The following GSE1 variants were observed in gnomAD, a reference collection of about 807,000 sequenced individuals.
GSE1 encodes the protein genetic suppressor element 1.
Under a neutral mutation model 112.6 loss-of-function variants are expected in GSE1, and 32 were observed. The observed-to-expected ratio is 0.28, with a 90% CI of 0.21 to 0.38. GSE1 has a LOEUF of 0.38. Ranked by LOEUF, GSE1 falls within the 10% of genes least tolerant of loss-of-function variation. The probability of loss-of-function intolerance (pLI) is 1.00; values close to 1 mark genes in which losing one functional copy is unlikely to be tolerated. For synonymous variants in GSE1, 1,115 were observed against 735.6 expected (o/e 1.52, Z -8.35); for missense variants, 2,348 against 1,699.2 (o/e 1.38, Z -6.71).
intron 1 of GSE1, among the ~76,000 whole-genome samples, chr16:85,603,587 A>G (rs1272946900): frequency 6.6e-6 from 1 of 152,046 alleles, no homozygotes; most frequent in Admixed American, 6.5e-5. Context: ...TGCAGCCTCA[A>G]CCTCTCAGGC....
chr16:85,657,432 C>G lies in GSE1; in HGVS notation c.1468C>G (p.Arg490Gly), dbSNP rs748454893. ...SSAATALLIQ[R>G]TNEEEKWLAR... ...TGCTGCCACAGCCCTGCTGATCCAG[C>G]GCACCAATGAGGAGGAGAAGTGGCT... The change falls in exon 8 of 16, where the codon CGC becomes GGC. Residue 490 changes from arginine (R) to glycine (G), a missense_variant. Coordinates refer to ENST00000253458, the MANE Select transcript of GSE1 (RefSeq NM_014615.5). 6.2e-7 allele frequency: 1 copy of G among 1,612,534 alleles called. No homozygotes were observed. The highest frequency in any genetic ancestry group is 1.3e-5 in the African/African-American group (1 of 74,944).
At chr16:85,586,252 G>A (rs1358290916) in intron 1 of GSE1, among the ~76,000 whole-genome samples, 1 of 152,246 alleles carries the variant, frequency 6.6e-6, no homozygotes, top group Non-Finnish European at 1.5e-5. Context: ...CCAGATGAGG[G>A]CACATTTTGT....
At chr16:85,175,636 T>G (rs978505669) in intron 1 of GSE1, among the ~76,000 whole-genome samples, 1 of 152,196 alleles carries the variant, frequency 6.6e-6, no homozygotes, top group Non-Finnish European at 1.5e-5. Flanking sequence ...CCTGCTGCCT[T>G]TCTGCTGGGA....
chr16:85,570,485 G>C (rs971656761), intron 1 of GSE1, among the ~76,000 whole-genome samples: 1 of 152,236 alleles, frequency 6.6e-6, no homozygotes, highest in African/African-American at 2.4e-5. Context: ...TGAAAAGCAT[G>C]TGCGGTTTTA....
rs141676339 is a variant in GSE1 at position 85,402,781 on chromosome 16, G to A, written c.2464+45138G>A. 3.1e-3 allele frequency among the ~76,000 whole-genome samples: 475 copies of A among 152,212 alleles called. 4 individuals are homozygous for A. Among genetic ancestry groups the A allele is most frequent in the African/African-American group, 0.011 (452 of 41,504 alleles). ...TACAAAAAATACAAAAGTTATCCGG[G>A]TGTGGCTCCTGTAGTCCCAGTTACT... On this transcript the variant is annotated intron_variant, in intron 2 of 2. Transcript: ENST00000637419.
At chr16:85,198,229 T>G (rs369434399) in intron 1 of GSE1, among the ~76,000 whole-genome samples, 1 of 152,132 alleles carries the variant, frequency 6.6e-6, no homozygotes, top group East Asian at 1.9e-4. Context: ...CTCCCAACCA[T>G]GGGGACCAGG....
chr16:85,222,852 G>A (rs539354775), intron 1 of GSE1, among the ~76,000 whole-genome samples: 1 of 152,238 alleles, frequency 6.6e-6, no homozygotes, highest in Admixed American at 6.5e-5. Flanking sequence ...GGATCCATGC[G>A]GAGCTTCCTT....
At chr16:85,671,952 T>A (rs1366648010) in intron 15 of GSE1, 1 of 168,346 alleles carries the variant, frequency 5.9e-6, no homozygotes, top group Non-Finnish European at 1.3e-5. Context: ...AGATGCCGAT[T>A]CTTAAGACTC....
chr16:85,385,851 GGCTCCA>G (rs1224916035), intron 2 of GSE1, among the ~76,000 whole-genome samples: 2 of 152,310 alleles, frequency 1.3e-5, no homozygotes, highest in African/African-American at 4.8e-5. Context: ...GGGCCAGGAC[GGCTCCA>G]GCTCCAGCTC....
At chr16:85,337,940 A>G (rs1008326984) in intron 1 of GSE1, among the ~76,000 whole-genome samples, 1 of 152,230 alleles carries the variant, frequency 6.6e-6, no homozygotes, top group African/African-American at 2.4e-5. Context: ...GTTGGAGACT[A>G]TGGAGCAGGT....
chr16:85,207,333 T>C (rs892138345), intron 1 of GSE1, among the ~76,000 whole-genome samples: 5 of 152,230 alleles, frequency 3.3e-5, no homozygotes, highest in African/African-American at 1.2e-4. Context: ...CAGGGCCGGC[T>C]CTGCTGTGCT....
At chr16:85,292,177 C>T (rs1448544341) in intron 1 of GSE1, among the ~76,000 whole-genome samples, 1 of 150,130 alleles carries the variant, frequency 6.7e-6, no homozygotes, top group African/African-American at 2.5e-5. Context: ...GTCTCACTGT[C>T]ACCCAGGCTG....
chr16:85,470,186 T>C (rs2050243748), intron 2 of GSE1, among the ~76,000 whole-genome samples: 1 of 152,260 alleles, frequency 6.6e-6, no homozygotes, highest in East Asian at 1.9e-4. Flanking sequence ...CTGTTCATGC[T>C]GTGCCCACGG....
In GSE1 at chr16:85,651,534, C is replaced by T. The variant is rs192302673; in HGVS notation, c.427-2744C>T. Among the ~76,000 whole-genome samples, 1,512 of 152,282 alleles carry T rather than the reference C, an allele frequency of 9.9e-3. 21 individuals carry two copies. Among genetic ancestry groups the T allele is most frequent in the Non-Finnish European group, 0.012 (839 of 67,992 alleles). On this transcript the variant is annotated intron_variant, in intron 3 of 15. Coordinates refer to ENST00000253458, the MANE Select transcript of GSE1 (RefSeq NM_014615.5). ...GGGCCGTGTCTGGGCTGGGGACAGG[C>T]CCCTCCTTGTGGCGGGGCGGCTGGG...
intron 1 of GSE1, among the ~76,000 whole-genome samples, chr16:85,272,750 GCTT>G (rs1908969289): frequency 6.6e-6 from 1 of 150,518 alleles, no homozygotes; most frequent in South Asian, 2.1e-4. Flanking sequence ...TTGCTTGCTT[GCTT>G]GCTTGCTTGT....
At chr16:85,646,748 A>AC (rs2050899994) in intron 2 of GSE1, among the ~76,000 whole-genome samples, 2 of 151,830 alleles carry the variant, frequency 1.3e-5, no homozygotes, top group Non-Finnish European at 2.9e-5. Context: ...GCAGCCGTGC[A>AC]CCCCCTGGGC....
chr16:85,251,439 C>T (rs995564862), intron 1 of GSE1, among the ~76,000 whole-genome samples: 1 of 152,274 alleles, frequency 6.6e-6, no homozygotes, highest in Non-Finnish European at 1.5e-5. Flanking sequence ...TGAGCTGCAG[C>T]ACAGTCCTGT....
At chr16:85,247,113 G>C (rs1309847120) in intron 1 of GSE1, among the ~76,000 whole-genome samples, 1 of 152,054 alleles carries the variant, frequency 6.6e-6, no homozygotes. Flanking sequence ...ACCGCCTCTG[G>C]TACACCTCTC....
intron 2 of GSE1, among the ~76,000 whole-genome samples, chr16:85,501,190 G>C (rs1278563112): frequency 6.6e-6 from 1 of 151,592 alleles, no homozygotes; most frequent in East Asian, 1.9e-4. Context: ...TTTTAGTAGA[G>C]ACGGGCTTTC....
Sources: allele counts gnomAD v4.1 joint callset (sites outside exome capture counted in the v4.1 genomes callset), GRCh38; gene constraint gnomAD v4.1.1; transcripts MANE v1.5; gene names NCBI Gene and HGNC (gene_info 2026-07-23, HGNC 2026-07-21).